Variants in ESPN observed in about 807,000 individuals in gnomAD.
The protein encoded by ESPN is autosomal recessive deafness type 36 protein.
ESPN carries 68 observed loss-of-function variants against 77.7 expected under a neutral mutation model. That is an observed-to-expected ratio of 0.87 (90% confidence interval 0.72 to 1.07). The LOEUF (loss-of-function observed/expected upper bound fraction) is 1.07, where lower values mean the gene tolerates loss of function less well. Among genes scored for constraint, ESPN ranks in the 50% least tolerant of loss-of-function variants. The pLI is 0.00. For missense variants in ESPN, 1,060 were observed against 1,239.0 expected, an observed-to-expected ratio of 0.86 and a Z score of 2.17; for synonymous variants, 449 against 567.1, an observed-to-expected ratio of 0.79 and a Z score of 2.96.
At chr1:6,455,103 A>G (rs1381541940) in intron 10 of ESPN, 8 of 385,398 alleles carry the variant, frequency 2.1e-5, no homozygotes, top group Non-Finnish European at 3.7e-5. Context: ...TGGCCAGCCC[A>G]GCGCCGCCGC....
At chr1:6,458,656 C>T (rs934914040) in intron 12 of ESPN, among the ~76,000 whole-genome samples, 3 of 151,548 alleles carry the variant, frequency 2.0e-5, no homozygotes, top group Non-Finnish European at 2.9e-5. Flanking sequence ...GGGGGCTGGG[C>T]GCAGTGGCTC....
chr1:6,458,505 C>T (rs999031785), intron 12 of ESPN, among the ~76,000 whole-genome samples: 1 of 142,654 alleles, frequency 7.0e-6, no homozygotes, highest in African/African-American at 2.6e-5. Context: ...TAGTAGAGGC[C>T]GGGTTTTGCC....
downstream of ESPN, chr1:6,461,158 T>G: frequency 1.5e-5 from 10 of 661,788 alleles, no homozygotes; most frequent in East Asian, 3.1e-5. The surrounding 1 kb of genome is among the most constrained non-coding windows in gnomAD (Gnocchi z 6.3). Flanking sequence ...CCGTTTTTGT[T>G]TTGTTTTGTT....
At chr1:6,435,474 A>G (rs1643404260) in intron 2 of ESPN, among the ~76,000 whole-genome samples, 1 of 152,262 alleles carries the variant, frequency 6.6e-6, no homozygotes, top group African/African-American at 2.4e-5. Flanking sequence ...CAGTTCATCC[A>G]TAGCATCTTT....
At position 6,435,123 on chromosome 1, in the gene ESPN, C is replaced by T. The variant is rs1396587500; in HGVS notation, c.489-5131C>T. 3.3e-5 allele frequency among the ~76,000 whole-genome samples: 5 copies of T among 152,096 alleles called. No individual in the cohort carries two copies. The East Asian group carries it at 7.7e-4, about 23-fold the overall frequency. On this transcript the variant is annotated intron_variant, in intron 2 of 12. Transcript: ENST00000645284. The stretch of plus-strand genomic sequence containing the variant: ...ATTTCTTCCCTGGGCCAGGCCTACT[C>T]GGGAATCTTTTAACATAGGCCGGGA...
chr1:6,436,482 C>CTTATTTATTTAT lies in ESPN; in HGVS notation c.489-3745_489-3734dup, dbSNP rs59014273. ...CTCTCTCCAGTGATGGGAATTTTTT[C>CTTATTTATTTAT]TTATTTATTTATTTATTTATTTATT... On this transcript the variant is annotated intron_variant, in intron 2 of 12. Coordinates refer to ENST00000645284, the MANE Select transcript of ESPN (RefSeq NM_031475.3). 6.2e-3 allele frequency among the ~76,000 whole-genome samples: 897 copies of CTTATTTATTTAT among 145,162 alleles called. 3 individuals carry two copies. Among genetic ancestry groups the CTTATTTATTTAT allele is most frequent in the Middle Eastern group, 0.025 (7 of 284 alleles).
In ESPN at chr1:6,460,446, A is replaced by G. The variant is rs1156291145; in HGVS notation, c.*300A>G. The stretch of plus-strand genomic sequence containing the variant: ...ATGTTCGTTGACTATCAAAGAGTGC[A>G]GAGCTCTCCCCAGCCCCGTGGGTGG... On this transcript the variant is annotated 3_prime_UTR_variant, in exon 13 of 13. Coordinates refer to ENST00000645284, the MANE Select transcript of ESPN (RefSeq NM_031475.3). 4 of 335,842 alleles carry G rather than the reference A, an allele frequency of 1.2e-5. No individual in the cohort carries two copies. In the East Asian group the frequency reaches 2.7e-4, roughly 23 times the overall value. The allele number at this position is 335,842 out of a possible 1,614,324, so 20.8% of individuals were successfully genotyped here.
chr1:6,447,168 G>A lies in ESPN; in HGVS notation c.1464+1233G>A, dbSNP rs1299410649. On this transcript the variant is annotated intron_variant, in intron 7 of 12. Coordinates refer to ENST00000645284, the MANE Select transcript of ESPN (RefSeq NM_031475.3). This position sits in a 1 kb window ranked among gnomAD's most constrained non-coding sequence, Gnocchi z 5.2. ...CCTCCCGGCTGTGTGCGTCCCTCCG[G>A]GCTGTGTGCGCCCCTCCCGGCTGTG... Among the ~76,000 whole-genome samples, 1 of 151,162 alleles carries A rather than the reference G, an allele frequency of 6.6e-6. No individual in the cohort carries two copies. The highest frequency in any genetic ancestry group is 1.5e-5 in the Non-Finnish European group (1 of 67,896).
rs144448933 is a variant in ESPN at position 6,441,049 on chromosome 1, G to A, written c.974G>A (p.Arg325His). The A allele has an allele frequency of 1.5e-4, 236 of 1,611,286 alleles. No individual in the cohort carries two copies. The African/African-American group carries it at 2.8e-3, about 19-fold the overall frequency. The change falls in exon 5 of 13, where the codon CGC (arginine) becomes CAC (histidine). Residue 325 changes from arginine to histidine, a missense_variant. Arg to His is a conservative substitution (Grantham distance 29). This residue lies in a region of ESPN where 556 missense variants were observed against 633.6 expected (regional missense o/e 0.88). Transcript: ENST00000645284. ...NGHSHCTRYL[R>H]TVENLSVEHR... is the part of the protein sequence containing the mutation. ...CACAGCCACTGCACCCGCTACCTGC[G>A]CACGGTGGAGAACCTGGTACGATCC...
chr1:6,424,984 C>G lies in ESPN; in HGVS notation c.29C>G (p.Ala10Gly), dbSNP rs1040785120. ...GCCCTGGAGCAGGCGCTGCAGGCGG[C>G]GCGGCAGGGCGAGCTGGACGTGCTG... Reference protein sequence around the residue: MALEQALQAARQGELDVLRS... With the variant: MALEQALQAGRQGELDVLRS... The change falls in exon 1 of 13, where the codon GCG becomes GGG. Residue 10 changes from alanine to glycine, a missense_variant. Physicochemically the swap from Ala to Gly is moderately conservative, Grantham distance 60. Around this residue, in one of 3 missense-constraint regions of ESPN, gnomAD observed 556 missense variants for 633.6 expected, o/e 0.88. Coordinates refer to ENST00000645284, the MANE Select transcript of ESPN (RefSeq NM_031475.3). 16 of 1,457,464 alleles carry G rather than the reference C, an allele frequency of 1.1e-5. No individual in the cohort carries two copies. Among genetic ancestry groups the G allele is most frequent in the Non-Finnish European group, 1.4e-5 (16 of 1,109,776 alleles). 90.3% of individuals were successfully genotyped at this position (1,457,464 alleles called of 1,614,324 possible).
In ESPN at chr1:6,428,393, G is replaced by A. The variant is rs770342857; in HGVS notation, c.462G>A (p.Leu154=). ...YAAAKGDFPS[L]RLLVEHYPEG... ...CCGCCAAAGGAGACTTCCCCTCCCTGAGGCTTCTCGTCGAGCACTACCCTG... is the reference window on the plus strand; with the variant it reads ...CCGCCAAAGGAGACTTCCCCTCCCTAAGGCTTCTCGTCGAGCACTACCCTG... Residue 154 remains leucine (L), a synonymous_variant, in exon 2 of 13, where the codon CTG becomes CTA. Transcript: ENST00000645284. This position sits in a 1 kb window ranked among gnomAD's most constrained non-coding sequence, Gnocchi z 5.4. 3.1e-6 allele frequency: 5 copies of A among 1,612,468 alleles called. No homozygotes were observed. In the Middle Eastern group the frequency reaches 8.3e-4, roughly 267 times the overall value.
intron 2 of ESPN, among the ~76,000 whole-genome samples, chr1:6,433,541 C>T (rs1180973136): frequency 4.7e-5 from 7 of 148,350 alleles, no homozygotes; most frequent in Admixed American, 4.7e-4. Flanking sequence ...CAGGAGGCAG[C>T]GGTTGCAGTG....
chr1:6,449,887 T>C (rs1196891069), intron 8 of ESPN, among the ~76,000 whole-genome samples: 2 of 152,066 alleles, frequency 1.3e-5, no homozygotes, highest in Non-Finnish European at 2.9e-5. Context: ...GGTGTCTTCC[T>C]CACCCAGCCA....
Position 6,448,638 on chromosome 1 carries a change from C to A in ESPN, c.1465-3C>A, listed in dbSNP as rs1470915059. 18 of 1,559,550 alleles carry A rather than the reference C, an allele frequency of 1.2e-5. No homozygotes were observed. The highest frequency in any genetic ancestry group is 1.5e-5 in the Non-Finnish European group (18 of 1,163,688). ...AGCCCCACCGGTCACTGTCTTCCCG[C>A]AGCTGAGCTCCTGTGACGGCCACGA... On this transcript the variant is annotated splice_polypyrimidine_tract_variant and splice_region_variant and intron_variant, in intron 7 of 12. Coordinates refer to ENST00000645284, the MANE Select transcript of ESPN (RefSeq NM_031475.3).
At position 6,452,198 on chromosome 1, in the gene ESPN, C is replaced by T. The variant is rs1391313509; in HGVS notation, c.2325+102C>T. 6.2e-6 allele frequency: 8 copies of T among 1,297,096 alleles called. No homozygotes were observed. The African/African-American group carries it at 1.2e-4, about 20-fold the overall frequency. 80.3% of individuals were successfully genotyped at this position (1,297,096 alleles called of 1,614,324 possible). A position where few individuals can be genotyped will look rare whatever the true frequency, so the allele number is the denominator to read the frequency against. On this transcript the variant is annotated intron_variant, in intron 10 of 12. Coordinates refer to ENST00000645284, the MANE Select transcript of ESPN (RefSeq NM_031475.3). Reference sequence around the variant, plus strand: ...CCCCAACCTCGGGACCTCCCATTTTCTTTCTTTTTTTTTTTTCTTTTCTTG... The same window carrying T: ...CCCCAACCTCGGGACCTCCCATTTTTTTTCTTTTTTTTTTTTCTTTTCTTG...
rs1251872874 is a variant in ESPN, at chr1:6,450,747, A to G, written c.1916-856A>G. On this transcript the variant is annotated intron_variant, in intron 8 of 12. Coordinates refer to ENST00000645284, the MANE Select transcript of ESPN (RefSeq NM_031475.3). This position sits in a 1 kb window ranked among gnomAD's most constrained non-coding sequence, Gnocchi z 4.3. The stretch of plus-strand genomic sequence containing the variant: ...CTTTCTCCTACTCTTCTCCCCCACC[A>G]CCCCCACCCGCTGTGACTGCATTCT... Among the ~76,000 whole-genome samples the G allele has an allele frequency of 7.3e-6, 1 of 136,332 alleles. No individual in the cohort carries two copies. The highest frequency in any genetic ancestry group is 2.8e-5 in the African/African-American group (1 of 36,146). 89.4% of individuals were successfully genotyped at this position (136,332 alleles called of 152,430 possible).
intron 2 of ESPN, among the ~76,000 whole-genome samples, chr1:6,432,193 C>T (rs1328263931): frequency 6.6e-6 from 1 of 152,224 alleles, no homozygotes; most frequent in Non-Finnish European, 1.5e-5. Context: ...GAAGCACCAG[C>T]AGCTCTCAGC....
chr1:6,441,062 C>T lies in ESPN; in HGVS notation c.987C>T (p.Asn329=). 1.2e-6 allele frequency: 2 copies of T among 1,610,976 alleles called. No individual in the cohort carries two copies. The highest frequency in any genetic ancestry group is 1.7e-6 in the Non-Finnish European group (2 of 1,179,402). The part of the protein sequence containing the change: ...HCTRYLRTVE[N]LSVEHRVLSR... ...CCCGCTACCTGCGCACGGTGGAGAA[C>T]CTGGTACGATCCCTGAGCTGCTCCT... Residue 329 remains asparagine, a synonymous_variant, in exon 5 of 13, where the codon AAC becomes AAT. Coordinates refer to ENST00000645284, the MANE Select transcript of ESPN (RefSeq NM_031475.3).
At chr1:6,452,517 A>AC (rs1192164185) in intron 10 of ESPN, among the ~76,000 whole-genome samples, 3 of 151,758 alleles carry the variant, frequency 2.0e-5, no homozygotes, top group Non-Finnish European at 4.4e-5. Flanking sequence ...CTCCACACAC[A>AC]CCCCCACCAG....
Sources: gnomAD v4.1 joint callset for allele counts (sites outside exome capture counted in the v4.1 genomes callset) on GRCh38, gnomAD v4.1.1 for gene constraint, gnomAD v4.1.1 regional missense constraint, Gnocchi (gnomAD v3.1) non-coding constraint, MANE v1.5 for transcripts, NCBI Gene and HGNC (gene_info 2026-07-23, HGNC 2026-07-21) for gene names.